Variants in PCDH15 observed in about 807,000 individuals in gnomAD.
PCDH15 encodes the protein protocadherin-15.
Under a neutral mutation model 178.5 loss-of-function variants are expected in PCDH15, and 129 were observed. The observed-to-expected ratio is 0.72, with a 90% CI of 0.63 to 0.84. PCDH15 has a LOEUF of 0.84. Among genes scored for constraint, PCDH15 ranks in the 40% least tolerant of loss-of-function variants. The probability of loss-of-function intolerance (pLI) is 0.00; values close to 1 mark genes in which losing one functional copy is unlikely to be tolerated. For missense variants in PCDH15, 2,230 were observed against 2,099.9 expected, an observed-to-expected ratio of 1.06 and a Z score of -1.21; for synonymous variants, 800 against 732.0, an observed-to-expected ratio of 1.09 and a Z score of -1.50.
chr10:55,161,972 A>G (rs1221339841), intron 2 of PCDH15, among the ~76,000 whole-genome samples: 1 of 152,174 alleles, frequency 6.6e-6, no homozygotes. Flanking sequence ...GATAAAAGAA[A>G]TACTTAAGCT....
At chr10:54,987,725 CA>C (rs1275137928) in intron 2 of PCDH15, among the ~76,000 whole-genome samples, 1 of 148,320 alleles carries the variant, frequency 6.7e-6, no homozygotes, top group Non-Finnish European at 1.5e-5. Flanking sequence ...TTTTCTTGTA[CA>C]TTTTTTTAAG....
chr10:54,831,372 GAC>G (rs1430263223), intron 3 of PCDH15, among the ~76,000 whole-genome samples: 1 of 152,008 alleles, frequency 6.6e-6, no homozygotes, highest in Non-Finnish European at 1.5e-5. Flanking sequence ...CATTTCAAAA[GAC>G]ACATTAATAT....
chr10:54,490,451 AAAAT>A (rs1200589743), intron 3 of PCDH15, among the ~76,000 whole-genome samples: 4 of 151,926 alleles, frequency 2.6e-5, no homozygotes, highest in Admixed American at 6.6e-5. Flanking sequence ...CTATGTCTCA[AAAAT>A]AAATAAATAA....
intron 13 of PCDH15, among the ~76,000 whole-genome samples, chr10:54,173,499 A>G (rs1429491678): frequency 6.6e-6 from 1 of 152,182 alleles, no homozygotes; most frequent in African/African-American, 2.4e-5. Context: ...AGGGATACTA[A>G]TATAACTGTA....
At chr10:55,024,315 A>G (rs1252928749) in intron 2 of PCDH15, among the ~76,000 whole-genome samples, 1 of 38,398 alleles carries the variant, frequency 2.6e-5, no homozygotes, top group Admixed American at 2.7e-4. Flanking sequence ...ATGGGATGGA[A>G]TATATATATA....
At chr10:54,435,852 C>G (rs1258368087) in intron 3 of PCDH15, among the ~76,000 whole-genome samples, 1 of 152,012 alleles carries the variant, frequency 6.6e-6, no homozygotes. Context: ...CGCCTGTAGT[C>G]CCAGCTACTC....
At chr10:54,799,696 A>G (rs1251237387) in intron 1 of PCDH15, among the ~76,000 whole-genome samples, 1 of 152,102 alleles carries the variant, frequency 6.6e-6, no homozygotes, top group Non-Finnish European at 1.5e-5. Context: ...GGCACCCATT[A>G]AATGGCACTT....
intron 2 of PCDH15, among the ~76,000 whole-genome samples, chr10:55,378,262 C>T (rs1837447068): frequency 1.3e-5 from 2 of 151,904 alleles, no homozygotes; most frequent in South Asian, 4.2e-4. Context: ...ATGAAGTAGA[C>T]ATGAAACAAG....
chr10:55,188,932 G>A (rs1180935569), intron 1 of PCDH15, among the ~76,000 whole-genome samples: 1 of 151,316 alleles, frequency 6.6e-6, no homozygotes, highest in Non-Finnish European at 1.5e-5. Context: ...GAACTTATCA[G>A]GGATATTTCA....
At chr10:54,445,442 G>C (rs1381977853) in intron 3 of PCDH15, among the ~76,000 whole-genome samples, 3 of 151,350 alleles carry the variant, frequency 2.0e-5, no homozygotes, top group African/African-American at 7.3e-5. Context: ...TGTACACAAC[G>C]CAAGAGCTTT....
Position 54,729,814 on chromosome 10 carries a change from A to G in PCDH15, c.-28-65524T>C, listed in dbSNP as rs146213621. The stretch of plus-strand genomic sequence containing the variant: ...AACCTATAAAAACATTCTCATCATC[A>G]ATAATAAGAGAAATGCATATCAAAA... On this transcript the variant is annotated intron_variant, in intron 1 of 37. Transcript: ENST00000644397. 3.8e-3 allele frequency among the ~76,000 whole-genome samples: 575 copies of G among 151,596 alleles called. 1 individual carries two copies. The highest frequency in any genetic ancestry group is 0.012 in the African/African-American group (511 of 41,480).
chr10:53,823,813 A>AAAAGT, intron 32 of PCDH15: 6 of 456,398 alleles, frequency 1.3e-5, no homozygotes, highest in South Asian at 9.3e-5. Context: ...TCCTAGAGCC[A>AAAAGT]AAAGTAATCT....
intron 2 of PCDH15, among the ~76,000 whole-genome samples, chr10:55,385,349 C>G (rs1422145353): frequency 3.9e-5 from 6 of 151,984 alleles, no homozygotes; most frequent in Admixed American, 3.3e-4. Context: ...TGATTCCTCT[C>G]TTTTAGTTCA....
intron 9 of PCDH15, among the ~76,000 whole-genome samples, chr10:54,229,109 T>C (rs1296441360): frequency 6.6e-6 from 1 of 152,210 alleles, no homozygotes; most frequent in African/African-American, 2.4e-5. Context: ...ACTAATGATA[T>C]GTGTAGAAGT....
chr10:55,241,330 A>G (rs1768072453), intron 1 of PCDH15, among the ~76,000 whole-genome samples: 1 of 152,222 alleles, frequency 6.6e-6, no homozygotes, highest in Non-Finnish European at 1.5e-5. Context: ...ATTAACCTGC[A>G]AATGTTGCTG....
intron 2 of PCDH15, among the ~76,000 whole-genome samples, chr10:55,442,393 C>A (rs1417103865): frequency 6.9e-6 from 1 of 144,314 alleles, no homozygotes; most frequent in Admixed American, 7.1e-5. Flanking sequence ...ACCAAAAAGG[C>A]AATGTTTATT....
At position 54,995,361 on chromosome 10, in the gene PCDH15, G is replaced by C. The variant is rs1315057301; in HGVS notation, c.-79-97861C>G. Among the ~76,000 whole-genome samples, 5 of 140,436 alleles carry C rather than the reference G, an allele frequency of 3.6e-5. No homozygotes were observed. The East Asian group carries it at 1.0e-3, about 29-fold the overall frequency. 92.1% of individuals were successfully genotyped at this position (140,436 alleles called of 152,430 possible). ...ACTGCACTCCAGCCTGGACGACAGA[G>C]CGAGACTACGACAGAGCGAGACTCC... is the stretch of plus-strand genomic sequence containing the variant. On this transcript the variant is annotated intron_variant, in intron 2 of 5. Coordinates refer to the PCDH15 transcript ENST00000458638.
intron 2 of PCDH15, among the ~76,000 whole-genome samples, chr10:55,016,495 G>A (rs1840183228): frequency 6.6e-6 from 1 of 152,104 alleles, no homozygotes; most frequent in Admixed American, 6.6e-5. Context: ...ACAAATGAGT[G>A]AGAACATGTA....
Position 53,995,747 on chromosome 10 carries a change from G to A in PCDH15, c.2770C>T (p.Pro924Ser), listed in dbSNP as rs765022327. The A allele has an allele frequency of 1.9e-6, 3 of 1,613,752 alleles. No individual in the cohort carries two copies. The highest frequency in any genetic ancestry group is 2.2e-5 in the East Asian group (1 of 44,860). Residue 924 changes from proline (P) to serine (S), a missense_variant, in exon 21 of 38, where the codon CCT becomes TCT. Pro to Ser is a moderately conservative substitution (Grantham distance 74). Coordinates refer to ENST00000644397, the MANE Select transcript of PCDH15 (RefSeq NM_001384140.1). The part of the protein sequence containing the change: ...VIVKDMNDYP[P>S]VFSKRIYKGM... ...TTGTATATTCGTTTACTAAAGACAG[G>A]AGGATAATCATTCATATCCTGTAAA...
Sources: allele counts gnomAD v4.1 joint callset (sites outside exome capture counted in the v4.1 genomes callset), GRCh38; gene constraint gnomAD v4.1.1; transcripts MANE v1.5; gene names NCBI Gene and HGNC (gene_info 2026-07-23, HGNC 2026-07-21).